The following SGCD variants were observed in gnomAD, a reference collection of about 807,000 sequenced individuals.
The protein encoded by SGCD is delta-sarcoglycan.
SGCD carries 18 observed loss-of-function variants against 36.6 expected under a neutral mutation model. That is an observed-to-expected ratio of 0.49 (90% CI 0.34 to 0.73). The LOEUF (loss-of-function observed/expected upper bound fraction) is 0.73, where lower values mean the gene tolerates loss of function less well. Among genes scored for constraint, SGCD ranks in the 30% least tolerant of loss-of-function variants. The probability of loss-of-function intolerance (pLI) is 0.01; values close to 1 mark genes in which losing one functional copy is unlikely to be tolerated. For missense variants in SGCD, 387 were observed against 346.7 expected, an observed-to-expected ratio of 1.12 and a Z score of -0.92; for synonymous variants, 133 against 130.6, an observed-to-expected ratio of 1.02 and a Z score of -0.12.
chr5:155,878,659 C>T (rs907234999), intron 1 of SGCD, among the ~76,000 whole-genome samples: 1 of 152,076 alleles, frequency 6.6e-6, no homozygotes, highest in African/African-American at 2.4e-5. Flanking sequence ...AATTGGGATT[C>T]TCTTAGCAAG....
In SGCD at chr5:156,162,781, A is replaced by G. The variant is rs553816255; in HGVS notation, c.-44+38762A>G. Among the ~76,000 whole-genome samples, 2 of 151,838 alleles carry G rather than the reference A, an allele frequency of 1.3e-5. 1 individual carries two copies. The highest frequency in any genetic ancestry group is 1.3e-4 in the Admixed American group (2 of 15,276). On this transcript the variant is annotated intron_variant, in intron 3 of 9. Coordinates refer to the SGCD transcript ENST00000517913. Reference sequence around the variant, plus strand: ...CACATGCACATCAAAACACTGGCTTAGGGCACAGCTAAAACATTCTGCCTC... The same window carrying G: ...CACATGCACATCAAAACACTGGCTTGGGGCACAGCTAAAACATTCTGCCTC...
In SGCD at chr5:156,298,190, C is replaced by T. The variant is rs144839793; in HGVS notation, c.-43-31344C>T. ...CTTTATCCATTCATCTGTTGATGTA[C>T]ACTTAGGTTGCTTCTAAGGCTTGGA... is the stretch of plus-strand genomic sequence containing the variant. On this transcript the variant is annotated intron_variant, in intron 3 of 9. Coordinates refer to the SGCD transcript ENST00000517913. Among the ~76,000 whole-genome samples the T allele has an allele frequency of 2.3e-3, 349 of 152,244 alleles. 1 individual carries two copies. Among genetic ancestry groups the T allele is most frequent in the African/African-American group, 8.2e-3 (341 of 41,542 alleles).
At chr5:156,465,989 A>G (rs1413741133) in intron 3 of SGCD, among the ~76,000 whole-genome samples, 1 of 152,236 alleles carries the variant, frequency 6.6e-6, no homozygotes, top group Non-Finnish European at 1.5e-5. Flanking sequence ...GTTGGAAAAG[A>G]AAAAGCAATA....
chr5:156,710,073 C>T (rs1035599015), intron 7 of SGCD, among the ~76,000 whole-genome samples: 8 of 152,064 alleles, frequency 5.3e-5, no homozygotes, highest in Non-Finnish European at 5.9e-5. Context: ...AGCCTCCTTT[C>T]CTTATTAGTC....
chr5:155,766,566 C>T, the SGCD span, among the ~76,000 whole-genome samples: 1 of 152,040 alleles, frequency 6.6e-6, no homozygotes, highest in Non-Finnish European at 1.5e-5. Context: ...CTGGGGTACC[C>T]TTCTGCAAAA....
intron 1 of SGCD, among the ~76,000 whole-genome samples, chr5:155,886,479 A>AAT (rs1756002055): frequency 2.6e-5 from 4 of 151,294 alleles, no homozygotes; most frequent in African/African-American, 9.8e-5. Context: ...TTTGCAGAGG[A>AAT]ATGTGTGTGT....
chr5:156,482,825 T>TG (rs1755495455), intron 3 of SGCD, among the ~76,000 whole-genome samples: 2 of 145,032 alleles, frequency 1.4e-5, no homozygotes, highest in South Asian at 4.6e-4. Flanking sequence ...TTTTTTTTTT[T>TG]TTTTTTTTTT....
At chr5:155,955,428 A>T (rs139664247) in intron 1 of SGCD, among the ~76,000 whole-genome samples, 1 of 152,276 alleles carries the variant, frequency 6.6e-6, no homozygotes, top group Non-Finnish European at 1.5e-5. Flanking sequence ...TTAATCATAT[A>T]CAACACAGCA....
chr5:156,482,488 A>C (rs757977103), intron 3 of SGCD, among the ~76,000 whole-genome samples: 38 of 152,208 alleles, frequency 2.5e-4, no homozygotes, highest in Non-Finnish European at 4.7e-4. Context: ...CCTTGAAGAA[A>C]GGGTCATATG....
chr5:156,685,058 A>G lies in SGCD; in HGVS notation c.575+37522A>G, dbSNP rs528281757. On this transcript the variant is annotated intron_variant, in intron 7 of 8. Transcript: ENST00000337851. ...GAGCTGACAAAGAAGTCAGATATAG[A>G]AGCTTAATGGGAAAGAAACGTTTCT... Among the ~76,000 whole-genome samples the G allele has an allele frequency of 2.0e-5, 3 of 152,310 alleles. No individual in the cohort carries two copies. In the East Asian group the frequency reaches 5.8e-4, roughly 29 times the overall value.
chr5:156,142,546 T>C (rs1038021904), intron 3 of SGCD, among the ~76,000 whole-genome samples: 1 of 152,290 alleles, frequency 6.6e-6, no homozygotes, highest in Admixed American at 6.5e-5. Context: ...GATAGTGATA[T>C]TGACAGCGAA....
intron 3 of SGCD, among the ~76,000 whole-genome samples, chr5:156,347,298 C>A (rs139799254): frequency 6.6e-6 from 1 of 152,076 alleles, no homozygotes; most frequent in South Asian, 2.1e-4. Flanking sequence ...TGCCATCTGT[C>A]GATGTGCATG....
rs1408993754 is a variant in SGCD at position 156,052,363 on chromosome 5, G to A, written c.-281-65515G>A. Among the ~76,000 whole-genome samples the A allele has an allele frequency of 1.4e-5, 2 of 146,260 alleles. 1 individual carries two copies. The highest frequency in any genetic ancestry group is 3.1e-5 in the Non-Finnish European group (2 of 64,854). ...TATTACAGATGAAAGGGGAGAGGCT[G>A]GCAGGGTTTGGTTCACACAAGGCTT... On this transcript the variant is annotated intron_variant, in intron 1 of 9. Coordinates refer to the SGCD transcript ENST00000517913.
intron 2 of SGCD, among the ~76,000 whole-genome samples, chr5:156,342,005 C>T (rs746741968): frequency 6.6e-6 from 1 of 152,170 alleles, no homozygotes; most frequent in African/African-American, 2.4e-5. Flanking sequence ...AGCCACCATG[C>T]CCGGCTGAGT....
chr5:156,368,486 A>C (rs561966448), intron 3 of SGCD, among the ~76,000 whole-genome samples: 1 of 152,344 alleles, frequency 6.6e-6, no homozygotes, highest in African/African-American at 2.4e-5. Context: ...GTAGGAAGCA[A>C]GAAGACAGGA....
intron 1 of SGCD, among the ~76,000 whole-genome samples, chr5:155,923,481 G>A (rs1756931455): frequency 1.3e-5 from 2 of 152,140 alleles, no homozygotes; most frequent in Admixed American, 6.5e-5. Context: ...CTGGAAAATG[G>A]CAAAGATGAA....
intron 7 of SGCD, among the ~76,000 whole-genome samples, chr5:156,701,334 TCA>T (rs1371138377): frequency 1.3e-5 from 2 of 152,220 alleles, no homozygotes; most frequent in Non-Finnish European, 2.9e-5. Context: ...ATTTTTTTGG[TCA>T]GAAAATCCTG....
the SGCD span, among the ~76,000 whole-genome samples, chr5:155,770,970 A>G: frequency 1.3e-5 from 2 of 152,170 alleles, no homozygotes; most frequent in Admixed American, 6.5e-5. Flanking sequence ...TTTAAATCCC[A>G]CTGAGAGGTT....
At chr5:156,161,395 T>C (rs1763084385) in intron 3 of SGCD, among the ~76,000 whole-genome samples, 2 of 151,798 alleles carry the variant, frequency 1.3e-5, no homozygotes, top group Non-Finnish European at 2.9e-5. Flanking sequence ...ACCTTGATAA[T>C]AGTAATCATA....
Sources: gnomAD v4.1 joint callset for allele counts (sites outside exome capture counted in the v4.1 genomes callset) on GRCh38, gnomAD v4.1.1 for gene constraint, MANE v1.5 for transcripts, NCBI Gene and HGNC (gene_info 2026-07-23, HGNC 2026-07-21) for gene names.